The following PPARGC1B variants were observed in gnomAD, a reference collection of about 807,000 sequenced individuals.
PPARGC1B encodes the protein peroxisome proliferator-activated receptor gamma coactivator 1-beta.
In PPARGC1B, 34 loss-of-function variants were observed where a neutral mutation model predicts 101.6. The observed-to-expected ratio is 0.33, with a 90% CI of 0.25 to 0.45. The LOEUF is 0.45. Ranked by LOEUF, PPARGC1B falls within the 20% of genes least tolerant of loss-of-function variation. The pLI is 1.00. For synonymous variants in PPARGC1B, 548 were observed against 539.3 expected, an observed-to-expected ratio of 1.02 and a Z score of -0.22; for missense variants, 1,234 against 1,317.6, an observed-to-expected ratio of 0.94 and a Z score of 0.98.
rs142757440 is a variant in PPARGC1B, at chr5:149,826,862, C to T, written c.442C>T (p.Pro148Ser). 2 of 1,612,606 alleles carry T rather than the reference C, an allele frequency of 1.2e-6. No individual in the cohort carries two copies. The highest frequency in any genetic ancestry group is 1.7e-5 in the Admixed American group (1 of 59,962). Reference protein sequence around the residue: ...PAPEKPSAPAPEVDELSLLQK... With the variant: ...PAPEKPSAPASEVDELSLLQK... The stretch of plus-strand genomic sequence containing the variant: ...CCCGGAGAAGCCCTCGGCCCCAGCC[C>T]CTGAGGTGGACGAGCTCTCACTGGT... Residue 148 changes from proline to serine, a missense_variant, in exon 3 of 12, where the codon CCT becomes TCT. By Grantham distance (74) the Pro-to-Ser change is moderately conservative. Around this residue, in one of 3 missense-constraint regions of PPARGC1B, gnomAD observed 734 missense variants for 768.4 expected, o/e 0.96. Transcript: ENST00000309241.
chr5:149,832,735 C>A lies in PPARGC1B; in HGVS notation c.662C>A (p.Thr221Asn), dbSNP rs139476696. 2,704 of 1,609,104 alleles carry A rather than the reference C, an allele frequency of 1.7e-3. 2 individuals carry two copies. Among genetic ancestry groups the A allele is most frequent in the Middle Eastern group, 3.0e-3 (18 of 6,042 alleles). Reference sequence around the variant, plus strand: ...TGTACAGAACTACATAAGCACCTCACCTCGGCACAGTGCTGCCTGCAGGAT... The same window carrying A: ...TGTACAGAACTACATAAGCACCTCAACTCGGCACAGTGCTGCCTGCAGGAT... ...RSCTELHKHL[T>N]SAQCCLQDRG... is the part of the protein sequence containing the mutation. The change falls in exon 5 of 12, where the codon ACC (threonine) becomes AAC (asparagine). Residue 221 changes from threonine to asparagine, a missense_variant. By Grantham distance (65) the Thr-to-Asn change is moderately conservative. Around this residue, in one of 3 missense-constraint regions of PPARGC1B, gnomAD observed 734 missense variants for 768.4 expected, o/e 0.96. Coordinates refer to ENST00000309241, the MANE Select transcript of PPARGC1B (RefSeq NM_133263.4). The surrounding 1 kb of genome is among the most constrained non-coding windows in gnomAD (Gnocchi z 4.9).
chr5:149,808,077 G>A (rs75294071), intron 1 of PPARGC1B, among the ~76,000 whole-genome samples: 13,063 of 152,204 alleles, frequency 0.086, 699 homozygotes, highest in Middle Eastern at 0.22. Flanking sequence ...AAACAGCAAC[G>A]GGGCCATGCG....
intron 1 of PPARGC1B, among the ~76,000 whole-genome samples, chr5:149,788,148 A>C (rs1453293036): frequency 6.6e-6 from 1 of 152,222 alleles, no homozygotes; most frequent in Non-Finnish European, 1.5e-5. Context: ...AACCTACAGA[A>C]TGGGAGAAAA....
intron 1 of PPARGC1B, among the ~76,000 whole-genome samples, chr5:149,773,885 C>T (rs913304648): frequency 1.1e-4 from 17 of 151,620 alleles, no homozygotes; most frequent in Non-Finnish European, 7.4e-5. Context: ...GGACTGTGGG[C>T]GGGGCTCAGC....
At chr5:149,845,523 G>T (rs1759515160) in intron 10 of PPARGC1B, 1 of 531,108 alleles carries the variant, frequency 1.9e-6, no homozygotes, top group African/African-American at 1.9e-5. Flanking sequence ...CTCATCTGAG[G>T]AGTGTCTGAG....
rs564597581 is a variant in PPARGC1B at position 149,837,642 on chromosome 5, C to T, written c.2618+569C>T. Among the ~76,000 whole-genome samples, 19 of 152,292 alleles carry T rather than the reference C, an allele frequency of 1.2e-4. No homozygotes were observed. The highest frequency in any genetic ancestry group is 3.4e-4 in the African/African-American group (14 of 41,568). ...GTGGAGGGATGATGCCTCATGAGCC[C>T]GCTTGCTCGTATCATCCTCGCTCGC... On this transcript the variant is annotated intron_variant, in intron 8 of 11. Coordinates refer to ENST00000309241, the MANE Select transcript of PPARGC1B (RefSeq NM_133263.4). The surrounding 1 kb of genome is among the most constrained non-coding windows in gnomAD (Gnocchi z 4.2).
intron 1 of PPARGC1B, among the ~76,000 whole-genome samples, chr5:149,788,340 G>A (rs1756886249): frequency 6.6e-6 from 1 of 152,188 alleles, no homozygotes. Flanking sequence ...CATCATAACT[G>A]GCCATCAGAG....
chr5:149,857,286 C>A (rs539154512), downstream of PPARGC1B, among the ~76,000 whole-genome samples: 1 of 152,360 alleles, frequency 6.6e-6, no homozygotes, highest in East Asian at 1.9e-4. Flanking sequence ...GATCCTCATT[C>A]AGCTCAGTCT....
At chr5:149,766,529 G>A (rs530542780) in intron 1 of PPARGC1B, among the ~76,000 whole-genome samples, 4 of 152,292 alleles carry the variant, frequency 2.6e-5, no homozygotes, top group Non-Finnish European at 4.4e-5. Flanking sequence ...GAGCTTTCAT[G>A]TGGCAGAGCT....
intron 1 of PPARGC1B, among the ~76,000 whole-genome samples, chr5:149,789,604 A>G (rs916157130): frequency 6.6e-6 from 1 of 152,196 alleles, no homozygotes; most frequent in African/African-American, 2.4e-5. Context: ...AAACAATTCT[A>G]TGAAGTAGTT....
chr5:149,840,018 C>T, intron 8 of PPARGC1B, 23 bp from the exon 9 acceptor site: 1 of 1,613,654 alleles, frequency 6.2e-7, no homozygotes, highest in Non-Finnish European at 8.5e-7. Flanking sequence ...GTGAGTGCCT[C>T]TGCTTTGCTT....
At chr5:149,731,988 G>A (rs117540559) in intron 1 of PPARGC1B, among the ~76,000 whole-genome samples, 1 of 152,154 alleles carries the variant, frequency 6.6e-6, no homozygotes, top group Admixed American at 6.5e-5. Context: ...GGCTAGTGGC[G>A]TGTGATTGCG....
intron 2 of PPARGC1B, among the ~76,000 whole-genome samples, chr5:149,822,107 A>G (rs741580): frequency 0.075 from 11,454 of 152,190 alleles, 535 homozygotes; most frequent in East Asian, 0.16. Context: ...CAATGGGGAC[A>G]ATTCCTTTGC....
chr5:149,741,421 C>A (rs1344386566), intron 1 of PPARGC1B, among the ~76,000 whole-genome samples: 2 of 152,214 alleles, frequency 1.3e-5, no homozygotes, highest in African/African-American at 4.8e-5. Flanking sequence ...GCAACCCGGC[C>A]TTTATGCTGC....
chr5:149,810,733 C>CTGGA (rs1757821313), intron 1 of PPARGC1B, among the ~76,000 whole-genome samples: 2 of 152,172 alleles, frequency 1.3e-5, no homozygotes, highest in Non-Finnish European at 2.9e-5. Flanking sequence ...CTGGACAGGT[C>CTGGA]ACACGGGAGA....
chr5:149,745,111 G>A (rs1212134043), intron 1 of PPARGC1B, among the ~76,000 whole-genome samples: 2 of 151,924 alleles, frequency 1.3e-5, no homozygotes, highest in Non-Finnish European at 2.9e-5. Flanking sequence ...ATATTGCCCG[G>A]GCTGGTCTCG....
At chr5:149,755,533 A>G (rs1424007263) in intron 1 of PPARGC1B, among the ~76,000 whole-genome samples, 1 of 151,996 alleles carries the variant, frequency 6.6e-6, no homozygotes. Context: ...TTTTTGGGCC[A>G]CGGTTGCAGA....
At chr5:149,797,016 C>A (rs1374198420) in intron 1 of PPARGC1B, among the ~76,000 whole-genome samples, 5 of 152,212 alleles carry the variant, frequency 3.3e-5, no homozygotes, top group Admixed American at 1.3e-4. Flanking sequence ...CCTCTTCCAG[C>A]CCTAAGCTTC....
At chr5:149,741,290 T>C (rs1292866525) in intron 1 of PPARGC1B, among the ~76,000 whole-genome samples, 1 of 152,224 alleles carries the variant, frequency 6.6e-6, no homozygotes, top group East Asian at 1.9e-4. Context: ...GATGTTGCCA[T>C]GGCAAACAGC....
Sources: allele counts gnomAD v4.1 joint callset (sites outside exome capture counted in the v4.1 genomes callset), GRCh38; gene constraint gnomAD v4.1.1; regional missense constraint gnomAD v4.1.1; non-coding constraint Gnocchi (gnomAD v3.1); transcripts MANE v1.5; gene names NCBI Gene and HGNC (gene_info 2026-07-23, HGNC 2026-07-21).